Variants in B4GALT5 observed in about 807,000 individuals in gnomAD.
B4GALT5 encodes beta-1,4-galactosyltransferase 5, also known as UDP-Gal:beta-GlcNAc beta-1,4-galactosyltransferase 5.
A neutral mutation model predicts 45.0 loss-of-function variants in B4GALT5; 11 were observed. The ratio of observed to expected loss-of-function variants is 0.24; its 90% CI spans 0.15 to 0.40. The LOEUF (loss-of-function observed/expected upper bound fraction) is 0.40, where lower values mean the gene tolerates loss of function less well. Among genes scored for constraint, B4GALT5 ranks in the 10% least tolerant of loss-of-function variants. The pLI is 1.00. For synonymous variants in B4GALT5, 185 were observed against 182.9 expected (o/e 1.01, Z -0.09); for missense variants, 337 against 500.2 (o/e 0.67, Z 3.11).
chr20:49,683,621 GA>G (rs1259629813), intron 1 of B4GALT5, among the ~76,000 whole-genome samples: 4 of 151,724 alleles, frequency 2.6e-5, no homozygotes, highest in Non-Finnish European at 5.9e-5. Context: ...TTGAACTCCT[GA>G]CCTCAGATGA....
intron 1 of B4GALT5, among the ~76,000 whole-genome samples, chr20:49,707,679 A>G (rs1446852030): frequency 6.6e-6 from 1 of 152,138 alleles, no homozygotes; most frequent in Non-Finnish European, 1.5e-5. Context: ...CAGTGGTTCA[A>G]TCATGGCTCA....
rs2085680641 is a variant in B4GALT5, at chr20:49,664,478, T to C, written c.116-7776A>G. 3.5e-5 allele frequency among the ~76,000 whole-genome samples: 5 copies of C among 144,766 alleles called. No homozygotes were observed. In the South Asian group the frequency reaches 9.1e-4, roughly 26 times the overall value. 95.0% of individuals were successfully genotyped at this position (144,766 alleles called of 152,430 possible). A position where few individuals can be genotyped will look rare whatever the true frequency, so the allele number is the denominator to read the frequency against. ...CACACACACACACACACACTTTAGA[T>C]TCTTCAGGCTGAAAGAACATAGGAT... On this transcript the variant is annotated intron_variant, in intron 1 of 8. Coordinates refer to ENST00000371711, the MANE Select transcript of B4GALT5 (RefSeq NM_004776.4).
At chr20:49,639,238 C>T (rs897618874) in intron 7 of B4GALT5, among the ~76,000 whole-genome samples, 11 of 151,962 alleles carry the variant, frequency 7.2e-5, no homozygotes, top group African/African-American at 1.5e-4. Context: ...TGTTGATTTT[C>T]GCATGTCAAA....
intron 1 of B4GALT5, among the ~76,000 whole-genome samples, chr20:49,678,956 T>C (rs2085752579): frequency 6.6e-6 from 1 of 152,144 alleles, no homozygotes; most frequent in African/African-American, 2.4e-5. Flanking sequence ...ATTCTCCTAA[T>C]TACATTAATT....
chr20:49,708,607 A>G (rs2085894682), intron 1 of B4GALT5, among the ~76,000 whole-genome samples: 1 of 152,226 alleles, frequency 6.6e-6, no homozygotes, highest in South Asian at 2.1e-4. Context: ...TTCAGTAATC[A>G]AGGAAAGAGA....
At chr20:49,699,378 A>C (rs946383239) in intron 1 of B4GALT5, among the ~76,000 whole-genome samples, 1 of 151,670 alleles carries the variant, frequency 6.6e-6, no homozygotes, top group Non-Finnish European at 1.5e-5. Flanking sequence ...AAAAAAAAAA[A>C]AAAAAAAAAA....
intron 1 of B4GALT5, among the ~76,000 whole-genome samples, chr20:49,680,204 G>A (rs1222825099): frequency 6.6e-6 from 1 of 152,202 alleles, no homozygotes; most frequent in Middle Eastern, 3.4e-3. Flanking sequence ...CAAATAAGAG[G>A]GCTGCATGGG....
chr20:49,688,930 T>TC (rs1057337586), intron 1 of B4GALT5, among the ~76,000 whole-genome samples: 10 of 111,342 alleles, frequency 9.0e-5, no homozygotes, highest in African/African-American at 3.7e-5. Context: ...AGAGTGAAAC[T>TC]CCATCTCAAA....
At chr20:49,687,713 C>T in intron 1 of B4GALT5, among the ~76,000 whole-genome samples, 1 of 151,926 alleles carries the variant, frequency 6.6e-6, no homozygotes, top group East Asian at 1.9e-4. Flanking sequence ...CTGAATATTT[C>T]TTCCTTAGTA....
intron 2 of B4GALT5, among the ~76,000 whole-genome samples, chr20:49,653,046 A>C (rs2085628656): frequency 6.6e-6 from 1 of 152,248 alleles, no homozygotes; most frequent in African/African-American, 2.4e-5. Context: ...ATACACTTTC[A>C]GTGAAATGCT....
intron 8 of B4GALT5, among the ~76,000 whole-genome samples, chr20:49,636,811 T>C (rs1449184469): frequency 6.6e-6 from 1 of 152,028 alleles, no homozygotes; most frequent in Admixed American, 6.6e-5. Context: ...AGAAAGTTCA[T>C]ACTCTGTATT....
At chr20:49,656,174 T>C (rs968434403) in intron 2 of B4GALT5, among the ~76,000 whole-genome samples, 1 of 152,080 alleles carries the variant, frequency 6.6e-6, no homozygotes, top group Non-Finnish European at 1.5e-5. Flanking sequence ...CCTGCCCTCC[T>C]CTCACCTGCC....
chr20:49,677,198 C>T (rs878940284), intron 1 of B4GALT5, among the ~76,000 whole-genome samples: 1 of 152,026 alleles, frequency 6.6e-6, no homozygotes, highest in Admixed American at 6.6e-5. Flanking sequence ...TAACCACACC[C>T]GCTATGGTGC....
At chr20:49,697,569 CAT>C (rs1232008252) in intron 1 of B4GALT5, among the ~76,000 whole-genome samples, 1 of 142,380 alleles carries the variant, frequency 7.0e-6, no homozygotes, top group East Asian at 2.2e-4. Flanking sequence ...AGGAAGGGGA[CAT>C]GTCCTTTTTT....
In B4GALT5 at chr20:49,635,222, C is replaced by T. The variant is rs886366662; in HGVS notation, c.*1090G>A. 4 of 151,650 alleles carry T rather than the reference C, an allele frequency of 2.6e-5. No homozygotes were observed. In the East Asian group the frequency reaches 7.7e-4, roughly 29 times the overall value. 9.4% of individuals were successfully genotyped at this position (151,650 alleles called of 1,614,324 possible). On this transcript the variant is annotated 3_prime_UTR_variant, in exon 9 of 9. Coordinates refer to ENST00000371711, the MANE Select transcript of B4GALT5 (RefSeq NM_004776.4). ...TAAGAGGGGGAGGGATTCCCATACA[C>T]ACCCCCGCCCCCCGCCCCCCGCCCC...
At chr20:49,659,114 T>C (rs543811366) in intron 1 of B4GALT5, among the ~76,000 whole-genome samples, 1 of 152,304 alleles carries the variant, frequency 6.6e-6, no homozygotes, top group East Asian at 1.9e-4. Flanking sequence ...AACCTCTCTC[T>C]GAAAGATTTC....
chr20:49,706,631 CAT>C (rs2085885035), intron 1 of B4GALT5, among the ~76,000 whole-genome samples: 1 of 152,140 alleles, frequency 6.6e-6, no homozygotes. Context: ...CAAAGGCAAG[CAT>C]ACCTTTATTG....
intron 1 of B4GALT5, among the ~76,000 whole-genome samples, chr20:49,693,988 C>A (rs1382821134): frequency 6.6e-6 from 1 of 152,142 alleles, no homozygotes; most frequent in Non-Finnish European, 1.5e-5. Context: ...AGGATGGACA[C>A]CTCACTTTCG....
At chr20:49,692,862 G>A (rs1204980785) in intron 1 of B4GALT5, among the ~76,000 whole-genome samples, 2 of 152,194 alleles carry the variant, frequency 1.3e-5, no homozygotes, top group East Asian at 3.8e-4. Context: ...TTCAGATCCT[G>A]TTGTATCTTA....
Sources: gnomAD v4.1 joint callset for allele counts (sites outside exome capture counted in the v4.1 genomes callset) on GRCh38, gnomAD v4.1.1 for gene constraint, MANE v1.5 for transcripts, NCBI Gene and HGNC (gene_info 2026-07-23, HGNC 2026-07-21) for gene names.